Variants in SLC1A3 observed in about 807,000 individuals in gnomAD.
SLC1A3 encodes excitatory amino acid transporter 1.
In SLC1A3, 21 loss-of-function variants were observed where a neutral mutation model predicts 48.1. The ratio of observed to expected loss-of-function variants is 0.44; its 90% CI spans 0.31 to 0.63. The LOEUF (loss-of-function observed/expected upper bound fraction) is 0.63, where lower values mean the gene tolerates loss of function less well. SLC1A3 is among the 20% of genes least tolerant of loss of function. The pLI is 0.08. For missense variants in SLC1A3, 546 were observed against 689.0 expected, an observed-to-expected ratio of 0.79 and a Z score of 2.32; for synonymous variants, 239 against 251.4, an observed-to-expected ratio of 0.95 and a Z score of 0.47.
At chr5:36,674,429 T>C (rs752589291) in intron 5 of SLC1A3, among the ~76,000 whole-genome samples, 1 of 151,820 alleles carries the variant, frequency 6.6e-6, no homozygotes, top group Non-Finnish European at 1.5e-5. Context: ...ATATAAAATA[T>C]ATTTATAACT....
At chr5:36,639,942 G>A (rs991897592) in intron 3 of SLC1A3, among the ~76,000 whole-genome samples, 4 of 152,056 alleles carry the variant, frequency 2.6e-5, no homozygotes, top group African/African-American at 4.8e-5. Context: ...CCCGCATTCC[G>A]TTATAAAAAG....
Position 36,686,591 on chromosome 5 carries a change from TAA to T in SLC1A3, c.*324_*325del. ...ATAAATGTGATTTTTTTATATAAGT[TAA>T]AGAGACAAATAGTAGGCTAAAAACA... On this transcript the variant is annotated 3_prime_UTR_variant, in exon 10 of 10. Transcript: ENST00000265113. 2.3e-5 allele frequency: 7 copies of T among 306,554 alleles called. No individual in the cohort carries two copies. In the South Asian group the frequency reaches 2.8e-4, roughly 12 times the overall value. The allele number at this position is 306,554 out of a possible 1,614,324, so 19.0% of individuals were successfully genotyped here. A position where few individuals can be genotyped will look rare whatever the true frequency, so the allele number is the denominator to read the frequency against.
intron 3 of SLC1A3, among the ~76,000 whole-genome samples, chr5:36,658,859 C>A (rs1308488144): frequency 6.6e-6 from 1 of 152,074 alleles, no homozygotes; most frequent in African/African-American, 2.4e-5. Flanking sequence ...ATTAGTATGT[C>A]ATTTTCTGAA....
intron 3 of SLC1A3, among the ~76,000 whole-genome samples, chr5:36,634,772 C>T (rs1413395333): frequency 2.0e-5 from 3 of 152,194 alleles, no homozygotes; most frequent in Non-Finnish European, 2.9e-5. Flanking sequence ...TATAGACCAA[C>T]AACTTCAGTC....
In SLC1A3 at chr5:36,634,721, A is replaced by G. The variant is rs565604709; in HGVS notation, c.319+5134A>G. Among the ~76,000 whole-genome samples the G allele has an allele frequency of 5.3e-5, 8 of 152,330 alleles. No homozygotes were observed. In the East Asian group the frequency reaches 1.2e-3, roughly 22 times the overall value. On this transcript the variant is annotated intron_variant, in intron 3 of 9. Coordinates refer to ENST00000265113, the MANE Select transcript of SLC1A3 (RefSeq NM_004172.5). ...CTCTCCTCTCCATGTGACAAGCTCT[A>G]TGATGTGTCACATATTATTTGGGCA...
Position 36,676,989 on chromosome 5 carries a change from A to C in SLC1A3, c.665A>C (p.Glu222Ala). Reference sequence around the variant, plus strand: ...ATAAACAATGTGTCTGAGGCCATGGAGACTCTTACCCGAATCACAGAGGAG... The same window carrying C: ...ATAAACAATGTGTCTGAGGCCATGGCGACTCTTACCCGAATCACAGAGGAG... ...AVINNVSEAM[E>A]TLTRITEELV... Residue 222 changes from glutamate to alanine, a missense_variant, in exon 6 of 10, where the codon GAG becomes GCG. Glu to Ala is a moderately radical substitution (Grantham distance 107, BLOSUM62 -1). This residue lies in a region of SLC1A3 where 348 missense variants were observed against 392.0 expected (regional missense o/e 0.89). Transcript: ENST00000265113. 1 of 1,614,066 alleles carries C rather than the reference A, an allele frequency of 6.2e-7. No individual in the cohort carries two copies. Among genetic ancestry groups the C allele is most frequent in the Non-Finnish European group, 8.5e-7 (1 of 1,179,960 alleles).
At chr5:36,603,048 T>G (rs929021267), upstream of SLC1A3, among the ~76,000 whole-genome samples, 1 of 152,228 alleles carries the variant, frequency 6.6e-6, no homozygotes, top group African/African-American at 2.4e-5. Context: ...AACCCAAGTC[T>G]TAGTCACTTC....
chr5:36,662,089 G>A (rs948993993), intron 3 of SLC1A3, among the ~76,000 whole-genome samples: 2 of 152,216 alleles, frequency 1.3e-5, no homozygotes, highest in South Asian at 4.1e-4. Flanking sequence ...GAGACAGGCT[G>A]GGGCTCTGGC....
At chr5:36,653,985 A>C (rs992088439) in intron 3 of SLC1A3, among the ~76,000 whole-genome samples, 4 of 152,214 alleles carry the variant, frequency 2.6e-5, no homozygotes, top group Non-Finnish European at 4.4e-5. Flanking sequence ...TTGGGATTAC[A>C]GGCATGTGCC....
intron 1 of SLC1A3, among the ~76,000 whole-genome samples, chr5:36,599,527 T>TTTTTTTTTTTG (rs397997372): frequency 1.8e-4 from 26 of 145,606 alleles, no homozygotes; most frequent in Admixed American, 7.7e-4. Flanking sequence ...TTTTTTTTTT[T>TTTTTTTTTTTG]GAGACGGAGT....
intron 2 of SLC1A3, among the ~76,000 whole-genome samples, chr5:36,621,409 G>A (rs1739662816): frequency 6.6e-6 from 1 of 152,154 alleles, no homozygotes; most frequent in Non-Finnish European, 1.5e-5. Context: ...GGCTTGCCAG[G>A]AGCACCCATT....
intron 2 of SLC1A3, among the ~76,000 whole-genome samples, chr5:36,612,540 G>A (rs1163380802): frequency 6.6e-6 from 1 of 151,750 alleles, no homozygotes; most frequent in Non-Finnish European, 1.5e-5. Context: ...AGTGAGCCAT[G>A]TTCATGCCAT....
At chr5:36,631,470 A>G (rs936516608) in intron 3 of SLC1A3, among the ~76,000 whole-genome samples, 2 of 152,224 alleles carry the variant, frequency 1.3e-5, no homozygotes, top group African/African-American at 4.8e-5. Flanking sequence ...CTAAAGAGAA[A>G]TTTTTGGTCA....
At chr5:36,669,729 A>G (rs1383160706) in intron 3 of SLC1A3, 1 of 152,206 alleles carries the variant, frequency 6.6e-6, no homozygotes, top group Non-Finnish European at 1.5e-5. Flanking sequence ...TTACCTTTGT[A>G]TTAAGATTTT....
intron 2 of SLC1A3, chr5:36,612,757 G>A (rs1337954261): frequency 1.1e-5 from 5 of 455,314 alleles, no homozygotes; most frequent in Admixed American, 7.1e-5. Flanking sequence ...TGAAAAAACT[G>A]AAGCCCAAAT....
chr5:36,635,029 G>T (rs1740280574), intron 3 of SLC1A3, among the ~76,000 whole-genome samples: 1 of 152,124 alleles, frequency 6.6e-6, no homozygotes, highest in African/African-American at 2.4e-5. Flanking sequence ...TCACTTAAGA[G>T]AAATTTAATA....
intron 2 of SLC1A3, chr5:36,609,254 G>A (rs530424728): frequency 1.1e-6 from 1 of 939,848 alleles, no homozygotes; most frequent in South Asian, 4.9e-5. Context: ...ACAGCAATCT[G>A]TACTAATAAA....
intron 3 of SLC1A3, among the ~76,000 whole-genome samples, chr5:36,656,073 A>C (rs1741273090): frequency 6.6e-6 from 1 of 152,226 alleles, no homozygotes; most frequent in African/African-American, 2.4e-5. Context: ...TTAAAGTACT[A>C]AAATCCTAAT....
At chr5:36,674,409 A>C (rs550628928) in intron 5 of SLC1A3, among the ~76,000 whole-genome samples, 29 of 152,094 alleles carry the variant, frequency 1.9e-4, no homozygotes, top group African/African-American at 6.5e-4. Context: ...CACCAACCAA[A>C]CAAACACCAA....
Sources: allele counts gnomAD v4.1 joint callset (sites outside exome capture counted in the v4.1 genomes callset), GRCh38; gene constraint gnomAD v4.1.1; regional missense constraint gnomAD v4.1.1; transcripts MANE v1.5; gene names NCBI Gene and HGNC (gene_info 2026-07-23, HGNC 2026-07-21).